Variants in NDST2 observed in about 807,000 individuals in gnomAD.
The protein encoded by NDST2 is bifunctional heparan sulfate N-deacetylase/N-sulfotransferase 2.
In NDST2, 32 loss-of-function variants were observed where a neutral mutation model predicts 86.9. The observed-to-expected ratio is 0.37, with a 90% CI of 0.28 to 0.49. The LOEUF is 0.49. Among genes scored for constraint, NDST2 ranks in the 20% least tolerant of loss-of-function variants. NDST2 has a pLI of 0.97. For missense variants in NDST2, 950 were observed against 1,146.9 expected, an observed-to-expected ratio of 0.83 and a Z score of 2.48; for synonymous variants, 409 against 437.0, an observed-to-expected ratio of 0.94 and a Z score of 0.80.
rs148032816 is a variant in NDST2 at position 73,805,650 on chromosome 10, A to G, written c.1683T>C (p.Pro561=). Residue 561 remains proline, a synonymous_variant, in exon 8 of 15, where the codon CCT becomes CCC. Transcript: ENST00000309979. ...CWTRLRLQTL[P]PVPLAQKYFE... ...AGTACTTCTGTGCAAGTGGGACAGG[A>G]GGAAGGGTCTGTAGGCGCAGCCGTG... The G allele has an allele frequency of 1.3e-4, 202 of 1,614,086 alleles. 1 individual carries two copies. The highest frequency in any genetic ancestry group is 3.6e-5 in the Non-Finnish European group (43 of 1,180,054).
intron 13 of NDST2, 75 bp from the exon 14 acceptor site, chr10:73,802,851 C>A: frequency 6.6e-7 from 1 of 1,525,086 alleles, no homozygotes; most frequent in Admixed American, 1.7e-5. Flanking sequence ...AATGCCCTTC[C>A]CTGCCCACAG....
rs747564178 is a variant in NDST2, at chr10:73,802,499, T to G, written c.2604A>C (p.Pro868=). Residue 868 remains proline, a synonymous_variant, in exon 15 of 15, where the codon CCA becomes CCC. Transcript: ENST00000309979. The stretch of plus-strand genomic sequence containing the variant: ...GTTCTTCCCGAAGCCACGAGGGCAC[T>G]GGCTGTCCAAGCCGGCTCAGCAGCT... ...LSKLLSRLGQ[P]VPSWLREELQ... 4.3e-6 allele frequency: 7 copies of G among 1,613,956 alleles called. No individual in the cohort carries two copies. Among genetic ancestry groups the G allele is most frequent in the Admixed American group, 3.3e-5 (2 of 60,024 alleles).
rs2083998388 is a variant in NDST2 at position 73,802,310 on chromosome 10, C to T, written c.*141G>A. On this transcript the variant is annotated 3_prime_UTR_variant, in exon 15 of 15. Coordinates refer to ENST00000309979, the MANE Select transcript of NDST2 (RefSeq NM_003635.4). Reference sequence around the variant, plus strand: ...GAACTGTGGGAAAAGGATACCCTTCCCTTCTCAGCCATCTCAGGCCTGGGG... The same window carrying T: ...GAACTGTGGGAAAAGGATACCCTTCTCTTCTCAGCCATCTCAGGCCTGGGG... 5.9e-6 allele frequency: 5 copies of T among 841,928 alleles called. No individual in the cohort carries two copies. The highest frequency in any genetic ancestry group is 9.1e-6 in the Non-Finnish European group (5 of 547,984). The allele number at this position is 841,928 out of a possible 1,614,324, so 52.2% of individuals were successfully genotyped here. A position where few individuals can be genotyped will look rare whatever the true frequency, so the allele number is the denominator to read the frequency against.
At chr10:73,810,945 G>A (rs1348258015) in intron 1 of NDST2, 42 bp from the exon 2 acceptor site, 5 of 398,634 alleles carry the variant, frequency 1.3e-5, no homozygotes, top group Admixed American at 8.8e-5. Context: ...CGCCGGGAGC[G>A]CCGCAGGCCG....
At chr10:73,809,356 G>C (rs1451152709) in intron 2 of NDST2, among the ~76,000 whole-genome samples, 1 of 152,148 alleles carries the variant, frequency 6.6e-6, no homozygotes, top group East Asian at 1.9e-4. Context: ...CAGAAATTAG[G>C]GACTCCCTTA....
In NDST2 at chr10:73,809,235, T is replaced by G. The variant is rs1399232705; in HGVS notation, c.-341-506A>C. ...ATCTTCTCATCAATCAAACCCAATA[T>G]CACAGCCAACAGCTTTAACGAACTT... On this transcript the variant is annotated intron_variant, in intron 2 of 14. Coordinates refer to ENST00000309979, the MANE Select transcript of NDST2 (RefSeq NM_003635.4). Among the ~76,000 whole-genome samples the G allele has an allele frequency of 1.3e-5, 2 of 152,182 alleles. 1 individual carries two copies. Among genetic ancestry groups the G allele is most frequent in the East Asian group, 3.8e-4 (2 of 5,196 alleles).
At position 73,803,988 on chromosome 10, in the gene NDST2, G is replaced by C. The variant is rs2084055569; in HGVS notation, c.1872C>G (p.Ser624Arg). 6.2e-7 allele frequency: 1 copy of C among 1,613,952 alleles called. No homozygotes were observed. The highest frequency in any genetic ancestry group is 8.5e-7 in the Non-Finnish European group (1 of 1,180,018). ...AGCTGCTAGTTACAGCTGGGTGCAG[G>C]CTCAGGAAGAAGTGAATAGCTGTAG... The part of the protein sequence containing the change: ...TGTTAIHFFL[S>R]LHPAVTSSFP... The change falls in exon 10 of 15, where the codon AGC becomes AGG. Residue 624 changes from serine (S) to arginine (R), a missense_variant. Physicochemically the swap from Ser to Arg is moderately radical, Grantham distance 110. Coordinates refer to ENST00000309979, the MANE Select transcript of NDST2 (RefSeq NM_003635.4).
rs963865959 is a variant in NDST2 at position 73,803,908 on chromosome 10, T to A, written c.1952A>T (p.His651Leu). ...EIQFFNSPNYHKGIDWYMDFF... is the reference protein window; with the variant it reads ...EIQFFNSPNYLKGIDWYMDFF... ...CCAGTCTCACCAGTCAATACCCTTG[T>A]GGTAATTAGGGCTGTTGAAGAACTG... The change falls in exon 10 of 15, where the codon CAC (histidine) becomes CTC (leucine). Residue 651 changes from histidine (H) to leucine (L), a missense_variant. Transcript: ENST00000309979. The A allele has an allele frequency of 2.5e-6, 4 of 1,613,994 alleles. No homozygotes were observed. Among genetic ancestry groups the A allele is most frequent in the African/African-American group, 2.7e-5 (2 of 74,876 alleles).
Position 73,802,299 on chromosome 10 carries a change from G to A in NDST2, c.*152C>T. 1 of 764,926 alleles carries A rather than the reference G, an allele frequency of 1.3e-6. No homozygotes were observed. Among genetic ancestry groups the A allele is most frequent in the Non-Finnish European group, 2.1e-6 (1 of 482,170 alleles). 47.4% of individuals were successfully genotyped at this position (764,926 alleles called of 1,614,324 possible). On this transcript the variant is annotated 3_prime_UTR_variant, in exon 15 of 15. Coordinates refer to ENST00000309979, the MANE Select transcript of NDST2 (RefSeq NM_003635.4). ...TATTTGTCCCAGAACTGTGGGAAAAGGATACCCTTCCCTTCTCAGCCATCT... is the reference window on the plus strand; with the variant it reads ...TATTTGTCCCAGAACTGTGGGAAAAAGATACCCTTCCCTTCTCAGCCATCT...
Position 73,807,847 on chromosome 10 carries a change from C to T in NDST2, c.542G>A (p.Ser181Asn), listed in dbSNP as rs1429170448. Residue 181 changes from serine (S) to asparagine (N), a missense_variant, in exon 3 of 15, where the codon AGC (serine) becomes AAC (asparagine). Coordinates refer to ENST00000309979, the MANE Select transcript of NDST2 (RefSeq NM_003635.4). Reference protein sequence around the residue: ...FFRAHEHSLLSAQLKGFPLFL... With the variant: ...FFRAHEHSLLNAQLKGFPLFL... The stretch of plus-strand genomic sequence containing the variant: ...AAGGGGAAAGCCCTTGAGCTGGGCG[C>T]TCAGTAGGCTGTGCTCGTGGGCTCG... The T allele has an allele frequency of 1.9e-6, 3 of 1,613,666 alleles. No individual in the cohort carries two copies. The Admixed American group carries it at 5.0e-5, about 27-fold the overall frequency.
At chr10:73,802,868 G>A (rs2084018844) in intron 13 of NDST2, 92 bp from the exon 14 acceptor site, 2 of 1,510,776 alleles carry the variant, frequency 1.3e-6, no homozygotes. Context: ...ACAGGGACAT[G>A]TCTCTCCTTG....
chr10:73,811,304 G>A (rs1268433714), intron 1 of NDST2, among the ~76,000 whole-genome samples, 170 bp downstream of exon 1: 1 of 152,132 alleles, frequency 6.6e-6, no homozygotes, highest in East Asian at 1.9e-4. Context: ...CCGGTCCGGA[G>A]GGGAGCGAGG....
In NDST2 at chr10:73,807,756, G is replaced by C. The variant is rs528378632; in HGVS notation, c.633C>G (p.Leu211=). The C allele has an allele frequency of 1.2e-6, 2 of 1,614,214 alleles. No individual in the cohort carries two copies. The highest frequency in any genetic ancestry group is 1.3e-5 in the African/African-American group (1 of 75,056). The part of the protein sequence containing the change: ...QVNPSAPLLH[L]TRPSRLEPGP... Reference sequence around the variant, plus strand: ...CTGGTTCTAGGCGGCTGGGGCGTGTGAGATGCAGTAGCGGGGCAGAAGGAT... The same window carrying C: ...CTGGTTCTAGGCGGCTGGGGCGTGTCAGATGCAGTAGCGGGGCAGAAGGAT... The change falls in exon 3 of 15, where the codon CTC becomes CTG. Residue 211 remains leucine (L), a synonymous_variant. Coordinates refer to ENST00000309979, the MANE Select transcript of NDST2 (RefSeq NM_003635.4).
chr10:73,806,322 G>A lies in NDST2; in HGVS notation c.1401C>T (p.Arg467=). The A allele has an allele frequency of 6.2e-7, 1 of 1,614,132 alleles. No homozygotes were observed. Among genetic ancestry groups the A allele is most frequent in the Non-Finnish European group, 8.5e-7 (1 of 1,180,014 alleles). Residue 467 remains arginine (R), a synonymous_variant, in exon 6 of 15, where the codon CGC becomes CGT. Transcript: ENST00000309979. This position sits in a 1 kb window ranked among gnomAD's most constrained non-coding sequence, Gnocchi z 4.5. ...CATTGTGAATGAAGCCACGGCGGTAGCGGGCAGGGCGGAGATGGGGATACT... is the reference window on the plus strand; with the variant it reads ...CATTGTGAATGAAGCCACGGCGGTAACGGGCAGGGCGGAGATGGGGATACT... ...TEEYPHLRPA[R]YRRGFIHNGI... is the part of the protein sequence containing the mutation.
intron 8 of NDST2, among the ~76,000 whole-genome samples, chr10:73,805,307 G>T (rs1215647246): frequency 6.6e-6 from 1 of 151,878 alleles, no homozygotes; most frequent in Non-Finnish European, 1.5e-5. Flanking sequence ...GCAGTCAGGA[G>T]TTCGAGACCA....
chr10:73,808,163 T>C lies in NDST2; in HGVS notation c.226A>G (p.Arg76Gly), dbSNP rs1258248369. The change falls in exon 3 of 15, where the codon AGG becomes GGG. Residue 76 changes from arginine to glycine, a missense_variant. By Grantham distance (125) the Arg-to-Gly change is moderately radical. This residue lies in a region of NDST2 where 586 missense variants were observed against 714.0 expected (regional missense o/e 0.82). Coordinates refer to ENST00000309979, the MANE Select transcript of NDST2 (RefSeq NM_003635.4). This position sits in a 1 kb window ranked among gnomAD's most constrained non-coding sequence, Gnocchi z 4.3. ...ARPPVPPRPPRPPETARTEPV... is the reference protein window; with the variant it reads ...ARPPVPPRPPGPPETARTEPV... ...TCAGTTCGAGCTGTCTCTGGAGGCC[T>C]GGGGGGCCGAGGTGGAACTGGAGGC... is the stretch of plus-strand genomic sequence containing the variant. 4.3e-6 allele frequency: 7 copies of C among 1,614,004 alleles called. No homozygotes were observed. The highest frequency in any genetic ancestry group is 1.7e-5 in the Admixed American group (1 of 60,002).
chr10:73,810,514 A>G (rs1314182169), intron 2 of NDST2, among the ~76,000 whole-genome samples: 1 of 152,166 alleles, frequency 6.6e-6, no homozygotes, highest in Non-Finnish European at 1.5e-5. Context: ...CCTAGGTAAA[A>G]CGACACGAGA....
chr10:73,804,839 T>C lies in NDST2; in HGVS notation c.1777A>G (p.Ile593Val), dbSNP rs778252664. 7.4e-6 allele frequency: 12 copies of C among 1,612,226 alleles called. No individual in the cohort carries two copies. The highest frequency in any genetic ancestry group is 6.7e-5 in the Admixed American group (4 of 59,906). Residue 593 changes from isoleucine to valine, a missense_variant, in exon 9 of 15, where the codon ATC becomes GTC. Transcript: ENST00000309979. ...TCACAGGTTTTCTCCTTGGACCAGA[T>C]ATCTTTGTGCCTCTTGTCATCACAG... ...NPCDDKRHKD[I>V]WSKEKTCDRL...
At chr10:73,802,845 C>T (rs1306286619) in intron 13 of NDST2, 69 bp from the exon 14 acceptor site, 3 of 1,520,998 alleles carry the variant, frequency 2.0e-6, no homozygotes, top group African/African-American at 2.7e-5. Flanking sequence ...ATGCACAATG[C>T]CCTTCCCTGC....
Sources: gnomAD v4.1 joint callset for allele counts (sites outside exome capture counted in the v4.1 genomes callset) on GRCh38, gnomAD v4.1.1 for gene constraint, gnomAD v4.1.1 regional missense constraint, Gnocchi (gnomAD v3.1) non-coding constraint, MANE v1.5 for transcripts, NCBI Gene and HGNC (gene_info 2026-07-23, HGNC 2026-07-21) for gene names.